Variants in SLC25A21 observed in about 807,000 individuals in gnomAD.
The protein encoded by SLC25A21 is solute carrier family 25 member 21, also known as mitochondrial 2-oxodicarboxylate carrier.
A neutral mutation model predicts 43.8 loss-of-function variants in SLC25A21; 47 were observed. The ratio of observed to expected loss-of-function variants is 1.07; its 90% CI spans 0.85 to 1.37. The LOEUF is 1.37. Ranked by LOEUF, SLC25A21 falls within the 40% of genes most tolerant of loss-of-function variation. SLC25A21 has a pLI of 0.00. For missense variants in SLC25A21, 352 were observed against 350.2 expected (o/e 1.00, Z -0.04); for synonymous variants, 131 against 121.3 (o/e 1.08, Z -0.52).
At chr14:36,897,297 C>A (rs1594677015) in intron 1 of SLC25A21, among the ~76,000 whole-genome samples, 1 of 152,130 alleles carries the variant, frequency 6.6e-6, no homozygotes, top group Non-Finnish European at 1.5e-5. Flanking sequence ...TTTCATCTTC[C>A]ATCACTGATA....
At chr14:36,936,449 C>T (rs1030468182) in intron 1 of SLC25A21, among the ~76,000 whole-genome samples, 1 of 151,976 alleles carries the variant, frequency 6.6e-6, no homozygotes. Flanking sequence ...ATGATTACTA[C>T]CACCCTGCAT....
At chr14:36,783,795 C>A (rs1190635354) in intron 3 of SLC25A21, among the ~76,000 whole-genome samples, 2 of 152,066 alleles carry the variant, frequency 1.3e-5, no homozygotes, top group African/African-American at 4.8e-5. Flanking sequence ...AAAATCAGTG[C>A]ACTATGGGGA....
At chr14:37,095,610 T>C (rs959765691) in intron 1 of SLC25A21, among the ~76,000 whole-genome samples, 3 of 151,982 alleles carry the variant, frequency 2.0e-5, no homozygotes, top group Non-Finnish European at 4.4e-5. Context: ...AAATGCCTGG[T>C]ATGGTGGCTC....
At chr14:37,023,672 G>A (rs1472879356) in intron 1 of SLC25A21, among the ~76,000 whole-genome samples, 1 of 151,658 alleles carries the variant, frequency 6.6e-6, no homozygotes, top group East Asian at 1.9e-4. Flanking sequence ...AATAAATACT[G>A]AACTCCCAGA....
intron 2 of SLC25A21, among the ~76,000 whole-genome samples, chr14:36,819,221 G>A (rs1888548640): frequency 6.6e-6 from 1 of 152,166 alleles, no homozygotes; most frequent in African/African-American, 2.4e-5. Flanking sequence ...CCAAAGGACT[G>A]CACACACTTA....
intron 1 of SLC25A21, among the ~76,000 whole-genome samples, chr14:36,919,687 A>T (rs1426774142): frequency 6.6e-6 from 1 of 151,596 alleles, no homozygotes; most frequent in Non-Finnish European, 1.5e-5. Context: ...CTACCCAAAG[A>T]CCTGAAATAG....
At chr14:37,157,442 T>C (rs189050399) in intron 1 of SLC25A21, among the ~76,000 whole-genome samples, 3 of 152,258 alleles carry the variant, frequency 2.0e-5, no homozygotes, top group Admixed American at 2.0e-4. Context: ...AAGAGGAACT[T>C]TTGAAACTAT....
At chr14:37,111,768 T>C (rs978288583) in intron 1 of SLC25A21, among the ~76,000 whole-genome samples, 1 of 152,182 alleles carries the variant, frequency 6.6e-6, no homozygotes, top group African/African-American at 2.4e-5. Context: ...TATTCAAAGA[T>C]GGAATCCAAC....
At chr14:36,841,427 C>T (rs1293022475) in intron 2 of SLC25A21, among the ~76,000 whole-genome samples, 3 of 152,226 alleles carry the variant, frequency 2.0e-5, no homozygotes, top group Admixed American at 6.5e-5. Context: ...TACCTTGAGG[C>T]CAAGGCTCCA....
At chr14:36,775,154 T>G (rs1322822921) in intron 3 of SLC25A21, among the ~76,000 whole-genome samples, 1 of 152,196 alleles carries the variant, frequency 6.6e-6, no homozygotes, top group African/African-American at 2.4e-5. Context: ...TCCAAAGAAC[T>G]GTTTGAGTAG....
At chr14:36,983,662 T>C (rs1043529482) in intron 1 of SLC25A21, among the ~76,000 whole-genome samples, 1 of 152,080 alleles carries the variant, frequency 6.6e-6, no homozygotes, top group Non-Finnish European at 1.5e-5. Context: ...AAAGAAATAA[T>C]TTCACCAAAA....
chr14:36,859,786 T>C (rs1285640813), intron 2 of SLC25A21, among the ~76,000 whole-genome samples: 1 of 152,074 alleles, frequency 6.6e-6, no homozygotes, highest in Non-Finnish European at 1.5e-5. Context: ...AAGAAAAAAA[T>C]CTGTGAATTG....
rs1419545459 is a variant in SLC25A21 at position 37,020,499 on chromosome 14, T to C, written c.71-145495A>G. Among the ~76,000 whole-genome samples the C allele has an allele frequency of 3.3e-5, 5 of 151,838 alleles. No individual in the cohort carries two copies. In the South Asian group the frequency reaches 6.2e-4, roughly 19 times the overall value. The stretch of plus-strand genomic sequence containing the variant: ...GATGTGACCTGATTTGACTCCAAAT[T>C]CCACTGGACATTCTGTTACAAAATA... On this transcript the variant is annotated intron_variant, in intron 1 of 9. Transcript: ENST00000331299.
At chr14:36,696,825 G>A (rs138178204) in intron 7 of SLC25A21, among the ~76,000 whole-genome samples, 35 of 152,008 alleles carry the variant, frequency 2.3e-4, no homozygotes, top group African/African-American at 6.3e-4. Flanking sequence ...CTTGCTAGCC[G>A]TACATCTATT....
intron 1 of SLC25A21, among the ~76,000 whole-genome samples, chr14:36,937,243 T>C (rs1478435785): frequency 2.0e-5 from 3 of 152,298 alleles, no homozygotes; most frequent in East Asian, 1.9e-4. Flanking sequence ...ATATAGCCAA[T>C]GAGGCGCTCT....
At chr14:37,112,438 G>A (rs1473094892) in intron 1 of SLC25A21, among the ~76,000 whole-genome samples, 1 of 152,188 alleles carries the variant, frequency 6.6e-6, no homozygotes, top group Non-Finnish European at 1.5e-5. Flanking sequence ...ATTTTAAGTA[G>A]AGTGCTTTGG....
intron 7 of SLC25A21, among the ~76,000 whole-genome samples, chr14:36,702,475 C>CAAAAAAAAAAAAAAAAA (rs1213350246): frequency 1.5e-5 from 1 of 66,142 alleles, no homozygotes; most frequent in Non-Finnish European, 2.8e-5. Flanking sequence ...CCTGTCTCCA[C>CAAAAAAAAAAAAAAAAA]AAAAAAAAAA....
chr14:36,686,245 C>T (rs979031632), intron 7 of SLC25A21, among the ~76,000 whole-genome samples: 1 of 152,078 alleles, frequency 6.6e-6, no homozygotes, highest in Non-Finnish European at 1.5e-5. Context: ...CATACAGGTG[C>T]CGGGGAGGTT....
chr14:36,848,113 G>A (rs1043070841), intron 2 of SLC25A21, among the ~76,000 whole-genome samples: 53 of 152,124 alleles, frequency 3.5e-4, no homozygotes, highest in African/African-American at 1.2e-3. Context: ...AAAACACCAC[G>A]AATTGGGATA....
Sources: gnomAD v4.1 joint callset for allele counts (sites outside exome capture counted in the v4.1 genomes callset) on GRCh38, gnomAD v4.1.1 for gene constraint, MANE v1.5 for transcripts, NCBI Gene and HGNC (gene_info 2026-07-23, HGNC 2026-07-21) for gene names.